Variants in BTBD9 observed in about 807,000 individuals in gnomAD.
BTBD9 encodes BTB domain containing 9, also known as BTB/POZ domain-containing protein 9.
BTBD9 carries 49 observed loss-of-function variants against 64.3 expected under a neutral mutation model. The ratio of observed to expected loss-of-function variants is 0.76; its 90% CI spans 0.61 to 0.97. BTBD9 has a LOEUF of 0.97. Among genes scored for constraint, BTBD9 ranks in the 50% least tolerant of loss-of-function variants. The pLI is 0.00. For synonymous variants in BTBD9, 260 were observed against 274.7 expected (o/e 0.95, Z 0.53); for missense variants, 598 against 762.1 (o/e 0.78, Z 2.53).
chr6:38,428,738 A>T (rs1768297241), intron 6 of BTBD9, among the ~76,000 whole-genome samples: 1 of 139,702 alleles, frequency 7.2e-6, no homozygotes, highest in African/African-American at 2.7e-5. Flanking sequence ...TTTGAGATGG[A>T]GTCTCACTCT....
At chr6:38,477,876 G>A (rs1770960796) in intron 6 of BTBD9, among the ~76,000 whole-genome samples, 4 of 152,316 alleles carry the variant, frequency 2.6e-5, no homozygotes, top group Admixed American at 2.0e-4. Flanking sequence ...TGGCTCTGTG[G>A]TGAGGCAGCA....
intron 7 of BTBD9, among the ~76,000 whole-genome samples, chr6:38,326,073 G>A (rs997787770): frequency 6.6e-6 from 1 of 152,062 alleles, no homozygotes; most frequent in Admixed American, 6.5e-5. Context: ...GGGTAGGGGG[G>A]GTCAGGGAAG....
At chr6:38,635,016 C>T (rs531256760) in intron 1 of BTBD9, among the ~76,000 whole-genome samples, 1 of 152,324 alleles carries the variant, frequency 6.6e-6, no homozygotes, top group Admixed American at 6.5e-5. Flanking sequence ...GCACCATCAG[C>T]ATCACCTGGG....
chr6:38,548,639 G>A (rs747741834), intron 6 of BTBD9, among the ~76,000 whole-genome samples: 1 of 152,092 alleles, frequency 6.6e-6, no homozygotes, highest in Admixed American at 6.6e-5. Flanking sequence ...CTAGAGATAT[G>A]TAAATAGGTA....
intron 7 of BTBD9, among the ~76,000 whole-genome samples, chr6:38,310,661 T>C (rs1762793059): frequency 6.6e-6 from 1 of 152,224 alleles, no homozygotes; most frequent in Admixed American, 6.5e-5. Context: ...GTTTTTTTTA[T>C]TTTTTAATTT....
At chr6:38,326,416 T>G (rs1331299011) in intron 7 of BTBD9, among the ~76,000 whole-genome samples, 2 of 152,124 alleles carry the variant, frequency 1.3e-5, no homozygotes, top group East Asian at 3.9e-4. Flanking sequence ...TCTGAGTGAT[T>G]TCGCGTAAGA....
At chr6:38,577,047 C>T (rs980101861) in intron 6 of BTBD9, among the ~76,000 whole-genome samples, 5 of 152,172 alleles carry the variant, frequency 3.3e-5, no homozygotes, top group African/African-American at 7.2e-5. Flanking sequence ...TAGAGCCCCA[C>T]TAGCTAAGCC....
At chr6:38,382,961 C>T (rs1766001859) in intron 6 of BTBD9, among the ~76,000 whole-genome samples, 2 of 152,134 alleles carry the variant, frequency 1.3e-5, no homozygotes, top group South Asian at 4.1e-4. Flanking sequence ...TTCTACCAAA[C>T]ATTCAAGAAA....
intron 6 of BTBD9, among the ~76,000 whole-genome samples, chr6:38,471,713 C>A (rs538438127): frequency 6.6e-6 from 1 of 152,086 alleles, no homozygotes; most frequent in Non-Finnish European, 1.5e-5. Flanking sequence ...AAATGATCCA[C>A]AGAAACTCTT....
intron 1 of BTBD9, among the ~76,000 whole-genome samples, chr6:38,601,967 GTAA>G (rs1582702387): frequency 6.6e-6 from 1 of 152,258 alleles, no homozygotes; most frequent in East Asian, 1.9e-4. Flanking sequence ...GTAACATGTA[GTAA>G]TAAACTCATA....
At chr6:38,462,582 TTTG>T (rs896101453) in intron 6 of BTBD9, among the ~76,000 whole-genome samples, 31 of 152,308 alleles carry the variant, frequency 2.0e-4, no homozygotes, top group African/African-American at 7.2e-4. Context: ...AAGTCACTAG[TTTG>T]TTTTTTTCAA....
At chr6:38,639,626 A>G (rs532683618) in intron 1 of BTBD9, among the ~76,000 whole-genome samples, 174 bp downstream of exon 1, 95 of 152,194 alleles carry the variant, frequency 6.2e-4, no homozygotes, top group African/African-American at 2.2e-3. Context: ...GCTCTCCCAG[A>G]GCACCCGGGC....
chr6:38,212,564 G>A (rs77646657), intron 9 of BTBD9, among the ~76,000 whole-genome samples: 1 of 152,092 alleles, frequency 6.6e-6, no homozygotes, highest in Non-Finnish European at 1.5e-5. Flanking sequence ...CAAAAACCAG[G>A]GTGTAGGTCT....
chr6:38,583,508 A>G (rs1448015106), intron 4 of BTBD9, among the ~76,000 whole-genome samples: 2 of 152,182 alleles, frequency 1.3e-5, no homozygotes, highest in Non-Finnish European at 2.9e-5. Context: ...TCAAAAATAA[A>G]AAATAAAAAA....
intron 8 of BTBD9, among the ~76,000 whole-genome samples, chr6:38,287,575 T>C (rs1209993193): frequency 1.3e-5 from 2 of 152,224 alleles, no homozygotes; most frequent in Non-Finnish European, 2.9e-5. Context: ...CTGTACAGGT[T>C]TGTAGCCTAG....
At chr6:38,315,470 G>GT (rs370701845) in intron 7 of BTBD9, among the ~76,000 whole-genome samples, 68 of 146,658 alleles carry the variant, frequency 4.6e-4, no homozygotes, top group African/African-American at 1.2e-3. Context: ...CACAGTTTTG[G>GT]TTTTTTTTTT....
intron 6 of BTBD9, among the ~76,000 whole-genome samples, chr6:38,469,506 A>G (rs6458054): frequency 0.53 from 80,969 of 151,594 alleles, 22,458 homozygotes; most frequent in East Asian, 0.96. Flanking sequence ...ATTTTTAGTA[A>G]AGACGGGATT....
At chr6:38,250,324 C>T (rs146488092) in intron 9 of BTBD9, among the ~76,000 whole-genome samples, 22 of 152,138 alleles carry the variant, frequency 1.4e-4, no homozygotes, top group African/African-American at 2.7e-4. Flanking sequence ...GCTTCTGCAA[C>T]GGAAAAAACT....
chr6:38,603,653 G>A (rs80105851), intron 1 of BTBD9, among the ~76,000 whole-genome samples: 2,374 of 152,302 alleles, frequency 0.016, 46 homozygotes, highest in African/African-American at 0.053. Context: ...AATAGTCAAA[G>A]AGCAAAGTTC....
Sources: allele counts gnomAD v4.1 joint callset (sites outside exome capture counted in the v4.1 genomes callset), GRCh38; gene constraint gnomAD v4.1.1; transcripts MANE v1.5; gene names NCBI Gene and HGNC (gene_info 2026-07-23, HGNC 2026-07-21).